BRCA1: variants seen among roughly 807,000 people sequenced by gnomAD.
BRCA1 encodes BRCA1 DNA repair associated, also known as breast cancer type 1 susceptibility protein.
BRCA1 carries 140 observed loss-of-function variants against 173.7 expected under a neutral mutation model. That is an observed-to-expected ratio of 0.81 (90% CI 0.70 to 0.93). The LOEUF is 0.93. Ranked by LOEUF, BRCA1 falls within the 40% of genes least tolerant of loss-of-function variation. BRCA1 has a pLI of 0.00. For synonymous variants in BRCA1, 662 were observed against 756.0 expected, an observed-to-expected ratio of 0.88 and a Z score of 2.04; for missense variants, 1,983 against 2,172.5, an observed-to-expected ratio of 0.91 and a Z score of 1.73.
In BRCA1 at chr17:43,090,910, C is replaced by T. The variant is rs1004447600; in HGVS notation, c.4185+34G>A. ...ACTACTGAATGCAAAGGACACCACA[C>T]ACACGCATGTGCACACACACACACG... On this transcript the variant is annotated intron_variant, in intron 11 of 22. Transcript: ENST00000357654. 5.1e-6 allele frequency: 8 copies of T among 1,563,106 alleles called. No individual in the cohort carries two copies. Among genetic ancestry groups the T allele is most frequent in the Admixed American group, 3.5e-5 (2 of 56,462 alleles).
intron 1 of BRCA1, among the ~76,000 whole-genome samples, chr17:43,149,629 T>C (rs1292166251): frequency 1.3e-5 from 2 of 152,178 alleles, no homozygotes; most frequent in African/African-American, 4.8e-5. Flanking sequence ...AAGAGAGTGG[T>C]CTACTTGATG....
upstream of BRCA1, among the ~76,000 whole-genome samples, chr17:43,128,992 G>A (rs2055941357): frequency 6.6e-6 from 1 of 152,002 alleles, no homozygotes; most frequent in African/African-American, 2.4e-5. Flanking sequence ...CAGGCCTCTG[G>A]TGGAGACAGT....
chr17:43,101,634 C>G (rs2054481090), intron 6 of BRCA1, among the ~76,000 whole-genome samples: 1 of 152,106 alleles, frequency 6.6e-6, no homozygotes, highest in Admixed American at 6.6e-5. Flanking sequence ...TCCCGAGTAG[C>G]TGGGATTACA....
chr17:43,102,587 C>A (rs1016258117), intron 6 of BRCA1, among the ~76,000 whole-genome samples: 1 of 151,398 alleles, frequency 6.6e-6, no homozygotes, highest in Admixed American at 6.6e-5. Context: ...AATCTCCTGA[C>A]CTCATGATCC....
chr17:43,070,890 G>A (rs2153799824), intron 15 of BRCA1, 38 bp downstream of exon 15: 3 of 1,607,134 alleles, frequency 1.9e-6, no homozygotes, highest in Non-Finnish European at 2.6e-6. Context: ...ATGTTGTTAA[G>A]TCTTAGTCAT....
chr17:43,075,593 TG>T lies in BRCA1; in HGVS notation c.4484+894del, dbSNP rs2052674688. On this transcript the variant is annotated intron_variant, in intron 13 of 22. Coordinates refer to ENST00000357654, the MANE Select transcript of BRCA1 (RefSeq NM_007294.4). ...TTTTTTTTGTTTTGAGACGGAGTCT[TG>T]CTCTGTCGCCCAGGCTGGAGTGCAA... 9.9e-5 allele frequency among the ~76,000 whole-genome samples: 15 copies of T among 152,066 alleles called. No individual in the cohort carries two copies. In the South Asian group the frequency reaches 3.1e-3, roughly 32 times the overall value.
chr17:43,124,578 G>A lies in BRCA1; in HGVS notation c.-19-463C>T, dbSNP rs958558304. 1.3e-5 allele frequency among the ~76,000 whole-genome samples: 2 copies of A among 152,084 alleles called. No homozygotes were observed. The highest frequency in any genetic ancestry group is 2.4e-5 in the African/African-American group (1 of 41,424). ...AAGCACATCCCTGCCGGCAGCATCT[G>A]TTACTACTGACGCTCCTCTACTTCC... On this transcript the variant is annotated intron_variant, in intron 1 of 22. Transcript: ENST00000357654.
intron 1 of BRCA1, 141 bp downstream of exon 1, chr17:43,125,130 C>T (rs2154579740): frequency 4.4e-6 from 2 of 451,528 alleles, no homozygotes; most frequent in South Asian, 3.1e-5. Context: ...CCCCAGGGTT[C>T]ACAACGCCTT....
At chr17:43,135,468 A>G (rs1278760754) in intron 1 of BRCA1, among the ~76,000 whole-genome samples, 1 of 152,226 alleles carries the variant, frequency 6.6e-6, no homozygotes, top group Non-Finnish European at 1.5e-5. Flanking sequence ...ACCTGATACA[A>G]CAGTGCGTTA....
intron 7 of BRCA1, among the ~76,000 whole-genome samples, chr17:43,098,588 G>A (rs148902388): frequency 2.0e-3 from 302 of 150,760 alleles, no homozygotes; most frequent in Non-Finnish European, 3.8e-3. Flanking sequence ...GGCTGGTCTC[G>A]AACTCTGACC....
chr17:43,082,636 G>A, intron 11 of BRCA1, 61 bp from the exon 12 acceptor site: 2 of 1,553,852 alleles, frequency 1.3e-6, no homozygotes, highest in Non-Finnish European at 1.8e-6. Context: ...TCCATTAAAT[G>A]AAAATATATC....
At position 43,076,651 on chromosome 17, in the gene BRCA1, C is replaced by T. The variant is rs546408259; in HGVS notation, c.4358-37G>A. On this transcript the variant is annotated intron_variant, in intron 12 of 22. Coordinates refer to ENST00000357654, the MANE Select transcript of BRCA1 (RefSeq NM_007294.4). ...ATGAGAAAACAAATCTACTTTACTGCTTTGTTCTGATAGTGATAATTCAGG... is the reference window on the plus strand; with the variant it reads ...ATGAGAAAACAAATCTACTTTACTGTTTTGTTCTGATAGTGATAATTCAGG... 13 of 1,605,994 alleles carry T rather than the reference C, an allele frequency of 8.1e-6. No homozygotes were observed. Among genetic ancestry groups the T allele is most frequent in the Non-Finnish European group, 1.1e-5 (13 of 1,174,956 alleles).
intron 5 of BRCA1, among the ~76,000 whole-genome samples, chr17:43,104,640 G>A (rs2054658629): frequency 6.6e-6 from 1 of 152,156 alleles, no homozygotes; most frequent in Non-Finnish European, 1.5e-5. Context: ...ATAGTAAAAT[G>A]TTCCCAATTT....
chr17:43,139,907 C>T lies in BRCA1; in HGVS notation c.-19-15792G>A, dbSNP rs185449531. On this transcript the variant is annotated intron_variant, in intron 1 of 7. Coordinates refer to the BRCA1 transcript ENST00000634433. Reference sequence around the variant, plus strand: ...TATGATTGCACATCTTTTGTTCTAACGTTTGGTCCTTCACCTTGGTTCCTG... The same window carrying T: ...TATGATTGCACATCTTTTGTTCTAATGTTTGGTCCTTCACCTTGGTTCCTG... 455 of 480,028 alleles carry T rather than the reference C, an allele frequency of 9.5e-4. 1 individual carries two copies. Among genetic ancestry groups the T allele is most frequent in the African/African-American group, 8.1e-3 (410 of 50,868 alleles). 29.7% of individuals were successfully genotyped at this position (480,028 alleles called of 1,614,324 possible).
chr17:43,108,335 CAA>C (rs34608699), intron 3 of BRCA1, among the ~76,000 whole-genome samples: 22 of 121,168 alleles, frequency 1.8e-4, no homozygotes, highest in Admixed American at 3.3e-4. Context: ...GAGATTGTGC[CAA>C]AAAAAAAAAA....
chr17:43,060,592 G>A (rs1016154661), intron 18 of BRCA1, among the ~76,000 whole-genome samples: 5 of 151,992 alleles, frequency 3.3e-5, no homozygotes, highest in Non-Finnish European at 7.4e-5. Context: ...TTCGGTTCAA[G>A]TGATTCTCCT....
intron 14 of BRCA1, among the ~76,000 whole-genome samples, chr17:43,072,448 C>T (rs933605001): frequency 6.6e-6 from 1 of 151,860 alleles, no homozygotes; most frequent in Admixed American, 6.6e-5. Context: ...GTCATCCAGG[C>T]TGCAGTGCAG....
At chr17:43,064,193 C>T (rs1399018975) in intron 16 of BRCA1, among the ~76,000 whole-genome samples, 1 of 152,228 alleles carries the variant, frequency 6.6e-6, no homozygotes, top group Non-Finnish European at 1.5e-5. Context: ...TATCTGTCCA[C>T]TCCCTCTTCT....
At chr17:43,069,106 C>T (rs1401520326) in intron 15 of BRCA1, among the ~76,000 whole-genome samples, 2 of 152,214 alleles carry the variant, frequency 1.3e-5, no homozygotes, top group Non-Finnish European at 2.9e-5. Flanking sequence ...TGTTGCCTCA[C>T]TCCATACTGC....
Sources: allele counts gnomAD v4.1 joint callset (sites outside exome capture counted in the v4.1 genomes callset), GRCh38; gene constraint gnomAD v4.1.1; transcripts MANE v1.5; gene names NCBI Gene and HGNC (gene_info 2026-07-23, HGNC 2026-07-21).